FAM228B: variants seen among roughly 807,000 people sequenced by gnomAD.
FAM228B encodes the protein family with sequence similarity 228 member B.
In FAM228B, 38 loss-of-function variants were observed where a neutral mutation model predicts 42.6. The observed-to-expected ratio is 0.89, with a 90% confidence interval of 0.69 to 1.17. The LOEUF is 1.17. FAM228B is among the 50% of genes most tolerant of loss of function. The pLI is 0.00. For synonymous variants in FAM228B, 109 were observed against 122.3 expected (o/e 0.89, Z 0.72); for missense variants, 344 against 367.3 (o/e 0.94, Z 0.52).
At chr2:24,139,275 G>T in intron 4 of FAM228B, 95 bp from the exon 5 acceptor site, 1 of 594,572 alleles carries the variant, frequency 1.7e-6, no homozygotes. Context: ...TCAAGCATAA[G>T]AATGATACTA....
chr2:24,161,905 C>T (rs1037967882), intron 8 of FAM228B, among the ~76,000 whole-genome samples: 15 of 152,184 alleles, frequency 9.9e-5, no homozygotes, highest in Non-Finnish European at 1.5e-4. Context: ...TTGAGACCAG[C>T]CTGGTCAACA....
intron 1 of FAM228B, chr2:24,079,518 C>T: frequency 6.2e-7 from 1 of 1,614,150 alleles, no homozygotes; most frequent in Non-Finnish European, 8.5e-7. Context: ...AACAGGGGCC[C>T]ATTGATGTCA....
upstream of FAM228B, chr2:24,122,631 A>C: frequency 3.6e-6 from 3 of 823,356 alleles, no homozygotes; most frequent in East Asian, 4.9e-5. Flanking sequence ...AAGACACTGC[A>C]GACAGTTCTA....
At chr2:24,160,689 C>T (rs1414166295) in intron 7 of FAM228B, among the ~76,000 whole-genome samples, 1 of 152,098 alleles carries the variant, frequency 6.6e-6, no homozygotes, top group Non-Finnish European at 1.5e-5. Flanking sequence ...GCATTTCATA[C>T]ATTGCTGTAC....
At chr2:24,144,606 G>A (rs757369804) in intron 5 of FAM228B, among the ~76,000 whole-genome samples, 6 of 152,250 alleles carry the variant, frequency 3.9e-5, no homozygotes, top group South Asian at 2.1e-4. Context: ...CAGCCTGCTC[G>A]GCCCTGAGAC....
At chr2:24,110,786 A>G (rs1388302007) in intron 3 of FAM228B, among the ~76,000 whole-genome samples, 1 of 152,186 alleles carries the variant, frequency 6.6e-6, no homozygotes, top group African/African-American at 2.4e-5. Context: ...ATCTGTAGCC[A>G]GGTCAGACAG....
chr2:24,090,779 A>C lies in FAM228B; in HGVS notation c.-209-4362A>C, dbSNP rs986216443. Among the ~76,000 whole-genome samples, 5 of 152,128 alleles carry C rather than the reference A, an allele frequency of 3.3e-5. No homozygotes were observed. In the East Asian group the frequency reaches 9.6e-4, roughly 29 times the overall value. ...AACCTCCAAGCAAAATAAGGATAAAAGGAAAGTATTTATAGTAGACTTTTT... is the reference window on the plus strand; with the variant it reads ...AACCTCCAAGCAAAATAAGGATAAACGGAAAGTATTTATAGTAGACTTTTT... On this transcript the variant is annotated intron_variant, in intron 2 of 10. Transcript: ENST00000613899.
At chr2:24,145,744 C>T (rs111841325) in intron 5 of FAM228B, among the ~76,000 whole-genome samples, 5 of 140,468 alleles carry the variant, frequency 3.6e-5, no homozygotes, top group African/African-American at 8.0e-5. Context: ...CTTGCTCTGT[C>T]GCCCAAGTGG....
In FAM228B at chr2:24,084,402, AGGACAGGACAGGGCAGGGGCC is replaced by A; in HGVS notation, c.-210+3449_-210+3469del. 12 of 1,452,392 alleles carry A rather than the reference AGGACAGGACAGGGCAGGGGCC, an allele frequency of 8.3e-6. No homozygotes were observed. The highest frequency in any genetic ancestry group is 1.0e-5 in the Non-Finnish European group (11 of 1,088,754). 90.0% of individuals were successfully genotyped at this position (1,452,392 alleles called of 1,614,324 possible). A position where few individuals can be genotyped will look rare whatever the true frequency, so the allele number is the denominator to read the frequency against. On this transcript the variant is annotated intron_variant, in intron 2 of 10. Transcript: ENST00000613899. This position sits in a 1 kb window ranked among gnomAD's most constrained non-coding sequence, Gnocchi z 8.4. The stretch of plus-strand genomic sequence containing the variant: ...AGGGCAGGACAGGACAGGGCAGGGC[AGGACAGGACAGGGCAGGGGCC>A]GCTGTATCCTCGCGGAGCAGCCCAG...
chr2:24,092,385 G>A (rs1400966016), intron 2 of FAM228B, among the ~76,000 whole-genome samples: 1 of 151,866 alleles, frequency 6.6e-6, no homozygotes, highest in Non-Finnish European at 1.5e-5. Context: ...GACCAGCCTG[G>A]CCAACATGGT....
intron 3 of FAM228B, among the ~76,000 whole-genome samples, chr2:24,113,941 G>T (rs549330590): frequency 6.6e-6 from 1 of 151,362 alleles, no homozygotes; most frequent in East Asian, 1.9e-4. Context: ...ATGGATGAAC[G>T]GACTAGTGGC....
At chr2:24,112,364 G>A (rs1233583592) in intron 3 of FAM228B, among the ~76,000 whole-genome samples, 2 of 147,118 alleles carry the variant, frequency 1.4e-5, no homozygotes, top group African/African-American at 2.5e-5. Flanking sequence ...GCCGTGGCGC[G>A]ATCTTGGCTC....
At chr2:24,096,552 A>G (rs1019552554) in intron 3 of FAM228B, 3 of 149,180 alleles carry the variant, frequency 2.0e-5, no homozygotes, top group African/African-American at 2.4e-5. Flanking sequence ...GATCAAATTA[A>G]TGAAATAAAG....
intron 7 of FAM228B, among the ~76,000 whole-genome samples, chr2:24,158,215 C>CTTTTTTTTTTTTTT (rs1335914110): frequency 1.1e-4 from 1 of 9,176 alleles, no homozygotes; most frequent in Non-Finnish European, 1.9e-4. Flanking sequence ...TTTTTTTTTC[C>CTTTTTTTTTTTTTT]AAAACATTGT....
In FAM228B at chr2:24,080,767, T is replaced by G. The variant is rs1481185269; in HGVS notation, c.-289-109T>G. On this transcript the variant is annotated intron_variant, in intron 1 of 10. Coordinates refer to the FAM228B transcript ENST00000613899. This position sits in a 1 kb window ranked among gnomAD's most constrained non-coding sequence, Gnocchi z 4.7. ...TGGCAACTTTGAGACTGGTGGGGCT[T>G]TTATTTAATCATCTCTTAAATTCCT... 3 of 1,607,246 alleles carry G rather than the reference T, an allele frequency of 1.9e-6. No individual in the cohort carries two copies.
intron 3 of FAM228B, chr2:24,096,219 T>C (rs1431837423): frequency 1.3e-5 from 2 of 152,152 alleles, no homozygotes; most frequent in African/African-American, 2.4e-5. Context: ...TCAGAGTGCC[T>C]CTTCTCCTCC....
chr2:24,134,303 C>G (rs1573765699), intron 2 of FAM228B, among the ~76,000 whole-genome samples: 2 of 152,230 alleles, frequency 1.3e-5, no homozygotes, highest in Non-Finnish European at 2.9e-5. Flanking sequence ...AATAGAAAGT[C>G]TTTCTAAGAC....
At chr2:24,129,957 T>C (rs950474703) in intron 2 of FAM228B, among the ~76,000 whole-genome samples, 1 of 145,872 alleles carries the variant, frequency 6.9e-6, no homozygotes, top group African/African-American at 2.5e-5. Flanking sequence ...AATGCTCACC[T>C]CCCCTCACCC....
chr2:24,123,990 TC>T lies in FAM228B; in HGVS notation c.-32-337del, dbSNP rs144270171. On this transcript the variant is annotated intron_variant, in intron 1 of 10. Coordinates refer to ENST00000615575, the MANE Select transcript of FAM228B (RefSeq NM_001145710.2). ...TCTGTGGCCAGAAAGTTGCAGTTCT[TC>T]CCACTCGAGGCCACCAAAGTCAGAA... Among the ~76,000 whole-genome samples the T allele has an allele frequency of 2.7e-3, 411 of 152,208 alleles. 2 individuals carry two copies. The highest frequency in any genetic ancestry group is 0.014 in the Middle Eastern group (4 of 294).
Sources: gnomAD v4.1 joint callset for allele counts (sites outside exome capture counted in the v4.1 genomes callset) on GRCh38, gnomAD v4.1.1 for gene constraint, Gnocchi (gnomAD v3.1) non-coding constraint, MANE v1.5 for transcripts, NCBI Gene and HGNC (gene_info 2026-07-23, HGNC 2026-07-21) for gene names.